Variants in FHIT observed in about 807,000 individuals in gnomAD.
FHIT encodes fragile histidine triad diadenosine triphosphatase, also known as bis(5'-adenosyl)-triphosphatase.
Under a neutral mutation model 17.9 loss-of-function variants are expected in FHIT, and 19 were observed. The ratio of observed to expected loss-of-function variants is 1.06; its 90% CI spans 0.74 to 1.56. FHIT has a LOEUF of 1.56. Among genes scored for constraint, FHIT ranks in the 40% most tolerant of loss-of-function variants. The pLI is 0.00. For missense variants in FHIT, 248 were observed against 189.2 expected (o/e 1.31, Z -1.82); for synonymous variants, 81 against 69.7 (o/e 1.16, Z -0.81).
intron 5 of FHIT, among the ~76,000 whole-genome samples, chr3:60,266,056 C>T (rs1706561061): frequency 1.3e-5 from 2 of 151,888 alleles, no homozygotes; most frequent in Admixed American, 6.6e-5. Flanking sequence ...CCTAGTTATA[C>T]ACCCAAGAGA....
intron 3 of FHIT, among the ~76,000 whole-genome samples, chr3:60,928,902 G>A (rs1707799467): frequency 6.6e-6 from 1 of 152,112 alleles, no homozygotes; most frequent in African/African-American, 2.4e-5. Context: ...GCCTGGCAGA[G>A]ACACAACAAA....
At chr3:60,037,629 G>A (rs185339388) in intron 5 of FHIT, among the ~76,000 whole-genome samples, 35 of 151,930 alleles carry the variant, frequency 2.3e-4, no homozygotes, top group African/African-American at 7.0e-4. Flanking sequence ...TGATCCGCCC[G>A]ACTTGGCCTC....
At chr3:60,574,364 CT>C (rs77222262) in intron 4 of FHIT, among the ~76,000 whole-genome samples, 6,910 of 144,334 alleles carry the variant, frequency 0.048, 319 homozygotes, top group African/African-American at 0.13. Context: ...TCTCCAACTC[CT>C]TTTTTTTTTT....
At chr3:59,853,104 A>G (rs1702007856) in intron 8 of FHIT, among the ~76,000 whole-genome samples, 1 of 152,196 alleles carries the variant, frequency 6.6e-6, no homozygotes, top group Non-Finnish European at 1.5e-5. Flanking sequence ...GCCAAACTGT[A>G]TTCCAAAGAG....
intron 5 of FHIT, among the ~76,000 whole-genome samples, chr3:60,126,082 G>A (rs757989277): frequency 6.6e-5 from 10 of 152,080 alleles, no homozygotes; most frequent in Non-Finnish European, 1.5e-4. Flanking sequence ...GATACCAAAT[G>A]AGAGGAAAAA....
At chr3:59,789,760 T>G (rs1280648353) in intron 8 of FHIT, among the ~76,000 whole-genome samples, 4 of 152,218 alleles carry the variant, frequency 2.6e-5, no homozygotes, top group African/African-American at 9.6e-5. Context: ...CCCTAACTCA[T>G]TAATACATCA....
chr3:60,237,458 G>T (rs142234437), intron 5 of FHIT, among the ~76,000 whole-genome samples: 1 of 151,478 alleles, frequency 6.6e-6, no homozygotes, highest in African/African-American at 2.4e-5. Flanking sequence ...ACATAAACAG[G>T]GATCCACACT....
At chr3:60,060,880 T>A (rs2106925248) in intron 5 of FHIT, among the ~76,000 whole-genome samples, 1 of 152,298 alleles carries the variant, frequency 6.6e-6, no homozygotes, top group Non-Finnish European at 1.5e-5. Flanking sequence ...TATTCAGAAT[T>A]TCAGGAACAA....
At chr3:61,208,489 T>C (rs2039332525) in intron 1 of FHIT, among the ~76,000 whole-genome samples, 1 of 152,124 alleles carries the variant, frequency 6.6e-6, no homozygotes, top group African/African-American at 2.4e-5. Context: ...TTTATGAATC[T>C]GGGTGCTCCT....
chr3:61,212,933 T>C (rs2039533589), intron 1 of FHIT, among the ~76,000 whole-genome samples: 1 of 152,038 alleles, frequency 6.6e-6, no homozygotes, highest in Admixed American at 6.6e-5. Context: ...AGAAATAAAA[T>C]CCTTTACAGA....
chr3:60,257,621 CAGG>C (rs768347590), intron 5 of FHIT, among the ~76,000 whole-genome samples: 1 of 152,142 alleles, frequency 6.6e-6, no homozygotes, highest in African/African-American at 2.4e-5. Context: ...AGTAGGGGAG[CAGG>C]AGGAGGACAA....
intron 5 of FHIT, among the ~76,000 whole-genome samples, chr3:60,531,351 T>C (rs1336408718): frequency 7.0e-6 from 1 of 143,258 alleles, no homozygotes; most frequent in Non-Finnish European, 1.5e-5. Flanking sequence ...CGATCTAGGC[T>C]CACTGCAAGC....
chr3:60,987,908 CTGATTGCAACTTAG>C (rs2029867154), intron 3 of FHIT, among the ~76,000 whole-genome samples: 1 of 152,194 alleles, frequency 6.6e-6, no homozygotes, highest in Non-Finnish European at 1.5e-5. Flanking sequence ...TTTACTATAT[CTGATTGCAACTTAG>C]AATTCAAACA....
chr3:60,903,384 C>T (rs1706222124), intron 3 of FHIT, among the ~76,000 whole-genome samples: 1 of 152,104 alleles, frequency 6.6e-6, no homozygotes, highest in Admixed American at 6.5e-5. Context: ...CTTTTTAAAC[C>T]CATTTTTGAT....
At chr3:60,632,239 G>A (rs570263581) in intron 4 of FHIT, among the ~76,000 whole-genome samples, 14 of 152,264 alleles carry the variant, frequency 9.2e-5, no homozygotes, top group Non-Finnish European at 1.8e-4. Flanking sequence ...AGTAAATGAT[G>A]TATGAGAACG....
At position 60,967,690 on chromosome 3, in the gene FHIT, A is replaced by ATAAATAATT. The variant is rs1709812983; in HGVS notation, c.-111+74356_-111+74357insAATTATTTA. Among the ~76,000 whole-genome samples, 8 of 152,336 alleles carry ATAAATAATT rather than the reference A, an allele frequency of 5.3e-5. 1 individual carries two copies. The highest frequency in any genetic ancestry group is 1.9e-4 in the African/African-American group (8 of 41,574). Reference sequence around the variant, plus strand: ...GAAAAAAGAGCAGATATGAAAAACAAGATCAATAAAATAGTTTCACTGTTT... The same window carrying ATAAATAATT: ...GAAAAAAGAGCAGATATGAAAAACAATAAATAATTGATCAATAAAATAGTTTCACTGTTT... On this transcript the variant is annotated intron_variant, in intron 3 of 9. Coordinates refer to ENST00000492590, the MANE Select transcript of FHIT (RefSeq NM_002012.4).
chr3:60,329,789 C>T (rs1473815181), intron 5 of FHIT, among the ~76,000 whole-genome samples: 2 of 152,190 alleles, frequency 1.3e-5, no homozygotes, highest in Non-Finnish European at 2.9e-5. Context: ...CCCTCTGCCC[C>T]TCCAGACAGT....
intron 1 of FHIT, among the ~76,000 whole-genome samples, chr3:61,230,302 T>C (rs2040067821): frequency 2.0e-5 from 3 of 152,178 alleles, no homozygotes; most frequent in Admixed American, 2.0e-4. Flanking sequence ...GTCCTCATAA[T>C]AGTGAGTGAG....
intron 8 of FHIT, among the ~76,000 whole-genome samples, chr3:59,851,287 TTAAA>T (rs1701923590): frequency 6.6e-6 from 1 of 152,182 alleles, no homozygotes; most frequent in Admixed American, 6.5e-5. Flanking sequence ...TAGCTACTGG[TTAAA>T]TGTCAGGTAA....
Sources: allele counts gnomAD v4.1 joint callset (sites outside exome capture counted in the v4.1 genomes callset), GRCh38; gene constraint gnomAD v4.1.1; transcripts MANE v1.5; gene names NCBI Gene and HGNC (gene_info 2026-07-23, HGNC 2026-07-21).